The following ADGRB3 variants were observed in gnomAD, a reference collection of about 807,000 sequenced individuals.
The protein encoded by ADGRB3 is brain-specific angiogenesis inhibitor 3.
A neutral mutation model predicts 193.4 loss-of-function variants in ADGRB3; 37 were observed. The observed-to-expected ratio is 0.19, with a 90% CI of 0.15 to 0.25. The LOEUF (loss-of-function observed/expected upper bound fraction) is 0.25, where lower values mean the gene tolerates loss of function less well. ADGRB3 is among the 10% of genes least tolerant of loss of function. ADGRB3 has a pLI of 1.00. For missense variants in ADGRB3, 1,637 were observed against 1,852.9 expected (o/e 0.88, Z 2.14); for synonymous variants, 690 against 644.2 (o/e 1.07, Z -1.08).
intron 20 of ADGRB3, among the ~76,000 whole-genome samples, chr6:69,321,881 CA>C (rs1391568226): frequency 6.6e-6 from 1 of 151,668 alleles, no homozygotes; most frequent in Admixed American, 6.6e-5. Flanking sequence ...CTTTTAAGTT[CA>C]GGGGTACATG....
intron 20 of ADGRB3, among the ~76,000 whole-genome samples, chr6:69,302,049 G>A (rs1767959274): frequency 6.6e-6 from 1 of 151,868 alleles, no homozygotes; most frequent in Non-Finnish European, 1.5e-5. Flanking sequence ...AGCTTCTGCT[G>A]ACCAAGAGGC....
chr6:68,939,983 T>C (rs1767591408), intron 5 of ADGRB3, among the ~76,000 whole-genome samples: 1 of 152,218 alleles, frequency 6.6e-6, no homozygotes, highest in Non-Finnish European at 1.5e-5. Flanking sequence ...TTATTTGTAC[T>C]ATAAAATCTA....
At chr6:69,191,239 C>T (rs1305649766) in intron 17 of ADGRB3, among the ~76,000 whole-genome samples, 2 of 151,680 alleles carry the variant, frequency 1.3e-5, no homozygotes, top group Non-Finnish European at 2.9e-5. Flanking sequence ...TTTTTTTTTC[C>T]ATAACAGCTT....
At chr6:69,257,093 G>C (rs931979422) in intron 20 of ADGRB3, among the ~76,000 whole-genome samples, 1 of 152,102 alleles carries the variant, frequency 6.6e-6, no homozygotes, top group Non-Finnish European at 1.5e-5. Context: ...TGTGCTGCTG[G>C]ATTCGGTTTG....
intron 3 of ADGRB3, among the ~76,000 whole-genome samples, chr6:68,801,439 G>A (rs562900879): frequency 6.6e-6 from 1 of 152,232 alleles, no homozygotes; most frequent in East Asian, 1.9e-4. Flanking sequence ...TGTAATCCCA[G>A]CACTATGGGA....
chr6:69,140,654 T>C (rs916052055), intron 17 of ADGRB3, among the ~76,000 whole-genome samples: 3 of 152,196 alleles, frequency 2.0e-5, no homozygotes, highest in African/African-American at 7.2e-5. Context: ...AAAAATATAG[T>C]TGAATCATTT....
chr6:68,762,612 A>G (rs1766433437), intron 3 of ADGRB3, among the ~76,000 whole-genome samples: 1 of 152,028 alleles, frequency 6.6e-6, no homozygotes, highest in Admixed American at 6.5e-5. Flanking sequence ...AAATTAAAAC[A>G]ATAAAATAAG....
chr6:69,367,152 A>G (rs1044547700), intron 29 of ADGRB3, among the ~76,000 whole-genome samples: 4 of 152,136 alleles, frequency 2.6e-5, no homozygotes, highest in African/African-American at 9.7e-5. Flanking sequence ...AAGAAACTGT[A>G]AGTGCAGTGA....
At chr6:69,241,857 G>C (rs768044937) in intron 20 of ADGRB3, among the ~76,000 whole-genome samples, 16 of 151,884 alleles carry the variant, frequency 1.1e-4, no homozygotes, top group Non-Finnish European at 1.9e-4. Flanking sequence ...TGGGTGGTAA[G>C]TGGTAGTATT....
intron 5 of ADGRB3, among the ~76,000 whole-genome samples, chr6:68,942,290 A>G (rs1180372185): frequency 1.3e-5 from 2 of 152,176 alleles, no homozygotes. Context: ...TTCATCTGCC[A>G]CTTTTTATGA....
intron 3 of ADGRB3, among the ~76,000 whole-genome samples, chr6:68,657,557 A>T (rs909115167): frequency 6.6e-6 from 1 of 151,426 alleles, no homozygotes; most frequent in Admixed American, 6.6e-5. Flanking sequence ...ATTTCAGAGG[A>T]CAAATGTGAT....
At chr6:68,919,711 G>A (rs1766983687) in intron 3 of ADGRB3, among the ~76,000 whole-genome samples, 2 of 152,092 alleles carry the variant, frequency 1.3e-5, no homozygotes, top group African/African-American at 4.8e-5. Flanking sequence ...GGGGAGGGCG[G>A]GATAATGTCA....
intron 26 of ADGRB3, among the ~76,000 whole-genome samples, chr6:69,351,060 C>T (rs565622007): frequency 1.3e-5 from 2 of 150,602 alleles, no homozygotes; most frequent in African/African-American, 2.4e-5. Context: ...ATATTTAAGA[C>T]TAATATAGAC....
At chr6:68,671,087 C>T (rs944874768) in intron 3 of ADGRB3, among the ~76,000 whole-genome samples, 1 of 151,904 alleles carries the variant, frequency 6.6e-6, no homozygotes, top group Non-Finnish European at 1.5e-5. Flanking sequence ...AAAAATGCTA[C>T]TAAATTTTGT....
chr6:69,227,599 A>G (rs1766046660), intron 17 of ADGRB3, among the ~76,000 whole-genome samples: 1 of 152,166 alleles, frequency 6.6e-6, no homozygotes, highest in Non-Finnish European at 1.5e-5. Flanking sequence ...TAGGCAGAAA[A>G]CATATTATTA....
intron 17 of ADGRB3, among the ~76,000 whole-genome samples, chr6:69,198,498 G>C (rs1197611774): frequency 6.6e-6 from 1 of 152,050 alleles, no homozygotes; most frequent in East Asian, 1.9e-4. Flanking sequence ...GATGGGGAAG[G>C]CCTCTCAGAA....
At chr6:69,136,940 G>T (rs371071502) in intron 17 of ADGRB3, among the ~76,000 whole-genome samples, 2 of 151,980 alleles carry the variant, frequency 1.3e-5, no homozygotes. Context: ...GTACAGAACC[G>T]ATTTCAATCC....
At chr6:68,655,071 T>C (rs1384556747) in intron 3 of ADGRB3, among the ~76,000 whole-genome samples, 2 of 151,072 alleles carry the variant, frequency 1.3e-5, no homozygotes, top group Non-Finnish European at 3.0e-5. Context: ...TTCTCTTTGA[T>C]CATTGATTGT....
intron 3 of ADGRB3, among the ~76,000 whole-genome samples, chr6:68,877,078 A>G (rs965457464): frequency 3.9e-5 from 6 of 152,028 alleles, no homozygotes; most frequent in Non-Finnish European, 4.4e-5. Flanking sequence ...TTTGATCCAC[A>G]TATCTCTTGA....
Sources: allele counts gnomAD v4.1 joint callset (sites outside exome capture counted in the v4.1 genomes callset), GRCh38; gene constraint gnomAD v4.1.1; transcripts MANE v1.5; gene names NCBI Gene and HGNC (gene_info 2026-07-23, HGNC 2026-07-21).